The following C2CD3 variants were observed in gnomAD, a reference collection of about 807,000 sequenced individuals.
C2CD3 encodes C2 domain containing 3 centriole elongation regulator.
C2CD3 carries 148 observed loss-of-function variants against 234.0 expected under a neutral mutation model. That is an observed-to-expected ratio of 0.63 (90% CI 0.55 to 0.72). C2CD3 has a LOEUF of 0.72. C2CD3 is among the 30% of genes least tolerant of loss of function. C2CD3 has a pLI of 0.00. For missense variants in C2CD3, 2,577 were observed against 2,811.5 expected (o/e 0.92, Z 1.89); for synonymous variants, 1,000 against 1,035.4 (o/e 0.97, Z 0.66).
At chr11:74,031,452 T>A (rs1405125986) in intron 31 of C2CD3, among the ~76,000 whole-genome samples, 1 of 152,182 alleles carries the variant, frequency 6.6e-6, no homozygotes, top group Non-Finnish European at 1.5e-5. Flanking sequence ...CTTTTCCTTG[T>A]CTCTATTGCA....
chr11:74,048,247 G>T lies in C2CD3; in HGVS notation c.5453C>A (p.Ala1818Asp). ...HMARQTLDQL[A>D]HASSKELDFS... ...ATCAAGCTCCTTTGAGGAGGCATGA[G>T]CAAGTTGGTCTAGGGTCTGCCTTGC... Residue 1818 changes from alanine to aspartate, a missense_variant, in exon 28 of 33, where the codon GCT becomes GAT. By Grantham distance (126) the Ala-to-Asp change is moderately radical (BLOSUM62 -2). Transcript: ENST00000334126. 1 of 1,613,726 alleles carries T rather than the reference G, an allele frequency of 6.2e-7. No homozygotes were observed. The highest frequency in any genetic ancestry group is 8.5e-7 in the Non-Finnish European group (1 of 1,179,814).
At chr11:74,115,882 C>T (rs888537794) in intron 9 of C2CD3, among the ~76,000 whole-genome samples, 8 of 152,110 alleles carry the variant, frequency 5.3e-5, no homozygotes, top group African/African-American at 1.2e-4. Flanking sequence ...TGAAAGGACA[C>T]CCTATTCAAC....
Position 74,130,226 on chromosome 11 carries a change from CT to C in C2CD3, c.1217+2617del, listed in dbSNP as rs752226149. Among the ~76,000 whole-genome samples, 797 of 128,902 alleles carry C rather than the reference CT, an allele frequency of 6.2e-3. 2 individuals carry two copies. Among genetic ancestry groups the C allele is most frequent in the Non-Finnish European group, 6.7e-3 (399 of 59,644 alleles). 84.6% of individuals were successfully genotyped at this position (128,902 alleles called of 152,430 possible). A position where few individuals can be genotyped will look rare whatever the true frequency, so the allele number is the denominator to read the frequency against. ...TACATGGTGTGAGATAAGGGTCCAA[CT>C]TTTTTTTTTTTTTTTTAGAAACAGG... On this transcript the variant is annotated intron_variant, in intron 7 of 32. Transcript: ENST00000334126.
At chr11:74,134,964 A>G (rs548176091) in intron 5 of C2CD3, among the ~76,000 whole-genome samples, 63 of 152,286 alleles carry the variant, frequency 4.1e-4, no homozygotes, top group Non-Finnish European at 7.5e-4. Context: ...GCCTCAAGCT[A>G]TCTTCCTGCC....
intron 25 of C2CD3, among the ~76,000 whole-genome samples, chr11:74,056,983 C>T (rs1953983383): frequency 6.6e-6 from 1 of 151,306 alleles, no homozygotes; most frequent in Non-Finnish European, 1.5e-5. Context: ...GATGCTCCCA[C>T]CTGGGCTCCA....
chr11:74,118,283 C>T lies in C2CD3; in HGVS notation c.1465G>A (p.Val489Ile). 3 of 1,613,838 alleles carry T rather than the reference C, an allele frequency of 1.9e-6. No homozygotes were observed. The highest frequency in any genetic ancestry group is 2.5e-6 in the Non-Finnish European group (3 of 1,179,810). ...AGCTTATGATCACTTGACTCCAGAA[C>T]CTTAGATGATCTGGCAAGAGCTGTT... ...QSTALARSSK[V>I]LESSDHKLKK... Residue 489 changes from valine to isoleucine, a missense_variant, in exon 9 of 33, where the codon GTT (valine) becomes ATT (isoleucine). Physicochemically the swap from Val to Ile is conservative, Grantham distance 29 (BLOSUM62 3). Coordinates refer to ENST00000334126, the MANE Select transcript of C2CD3 (RefSeq NM_001286577.2).
At chr11:74,054,518 A>T in intron 26 of C2CD3, 89 bp downstream of exon 26, 1 of 653,426 alleles carries the variant, frequency 1.5e-6, no homozygotes. Flanking sequence ...AAAAAAAAAA[A>T]AAAAAAAAAA....
At chr11:74,166,660 T>C (rs1447988076) in intron 2 of C2CD3, among the ~76,000 whole-genome samples, 2 of 152,226 alleles carry the variant, frequency 1.3e-5, no homozygotes, top group African/African-American at 4.8e-5. Context: ...CATTTAATTA[T>C]ATACTGTCTG....
Position 74,100,625 on chromosome 11 carries a change from C to G in C2CD3, c.2632G>C (p.Val878Leu). The G allele has an allele frequency of 6.2e-7, 1 of 1,614,028 alleles. No individual in the cohort carries two copies. Among genetic ancestry groups the G allele is most frequent in the Non-Finnish European group, 8.5e-7 (1 of 1,179,918 alleles). Residue 878 changes from valine to leucine, a missense_variant, in exon 15 of 33, where the codon GTG becomes CTG. Val to Leu is a conservative substitution (Grantham distance 32). Coordinates refer to ENST00000334126, the MANE Select transcript of C2CD3 (RefSeq NM_001286577.2). Reference sequence around the variant, plus strand: ...TTATTCCAAGTTTCAATTACCATCACATTGTTCTTAAGCCTTTCCAGGTAT... The same window carrying G: ...TTATTCCAAGTTTCAATTACCATCAGATTGTTCTTAAGCCTTTCCAGGTAT... Reference protein sequence around the residue: ...SKYLERLKNNVMVIETWNKVR... With the variant: ...SKYLERLKNNLMVIETWNKVR...
At chr11:74,130,445 G>C (rs1957628392) in intron 7 of C2CD3, among the ~76,000 whole-genome samples, 1 of 151,676 alleles carries the variant, frequency 6.6e-6, no homozygotes, top group Non-Finnish European at 1.5e-5. Context: ...TGTAGTCCAG[G>C]CTGGTCTCAA....
At chr11:74,028,431 G>C (rs1371906517) in intron 31 of C2CD3, 33 bp from the exon 32 acceptor site, 2 of 1,390,976 alleles carry the variant, frequency 1.4e-6, no homozygotes, top group East Asian at 2.5e-5. Context: ...AAAATACCTA[G>C]AAGTCCACCC....
chr11:74,130,638 A>G (rs1050914953), intron 7 of C2CD3, among the ~76,000 whole-genome samples: 1 of 152,150 alleles, frequency 6.6e-6, no homozygotes, highest in African/African-American at 2.4e-5. Flanking sequence ...TGTCTAACTC[A>G]TATTAGTTGA....
chr11:74,033,387 G>A lies in C2CD3; in HGVS notation c.6773C>T (p.Thr2258Ile). The stretch of plus-strand genomic sequence containing the variant: ...CTGCTTTGTGGACGTCTCTGATCCA[G>A]TTGTCACCTGCCTCTGCCTGATGTC... ...SSDIRQRQVT[T>I]GSETSTKQSL... Residue 2258 changes from threonine (T) to isoleucine (I), a missense_variant, in exon 31 of 33, where the codon ACT becomes ATT. Coordinates refer to ENST00000334126, the MANE Select transcript of C2CD3 (RefSeq NM_001286577.2). 1 of 1,536,146 alleles carries A rather than the reference G, an allele frequency of 6.5e-7. No individual in the cohort carries two copies. The highest frequency in any genetic ancestry group is 8.7e-7 in the Non-Finnish European group (1 of 1,146,912).
chr11:74,039,929 C>G (rs1952939322), intron 29 of C2CD3, among the ~76,000 whole-genome samples: 1 of 152,168 alleles, frequency 6.6e-6, no homozygotes, highest in South Asian at 2.1e-4. Context: ...CTTAAACAGC[C>G]TACAATCTCT....
chr11:74,146,042 C>T (rs939706355), intron 3 of C2CD3, among the ~76,000 whole-genome samples: 1 of 152,064 alleles, frequency 6.6e-6, no homozygotes, highest in African/African-American at 2.4e-5. Flanking sequence ...AGGAAACAAA[C>T]TCTAGTAAGA....
chr11:74,139,531 A>G, intron 4 of C2CD3, 74 bp downstream of exon 4: 1 of 1,089,638 alleles, frequency 9.2e-7, no homozygotes, highest in Non-Finnish European at 1.4e-6. Context: ...TTACTCAACC[A>G]TAAATGAAAG....
At chr11:74,028,839 C>T (rs1952411372) in intron 31 of C2CD3, among the ~76,000 whole-genome samples, 1 of 152,226 alleles carries the variant, frequency 6.6e-6, no homozygotes, top group Non-Finnish European at 1.5e-5. Flanking sequence ...ATGATTCTTG[C>T]CTAAGGGCCT....
In C2CD3 at chr11:74,085,392, G is replaced by A. The variant is rs140656427; in HGVS notation, c.3910+226C>T. ...TGAACTCCTACACACCCTTCATCTCGATACACCCATTAACACTGACACATT... is the reference window on the plus strand; with the variant it reads ...TGAACTCCTACACACCCTTCATCTCAATACACCCATTAACACTGACACATT... On this transcript the variant is annotated intron_variant, in intron 21 of 32. Transcript: ENST00000334126. 9.8e-4 allele frequency: 515 copies of A among 526,132 alleles called. 1 individual carries two copies. The highest frequency in any genetic ancestry group is 8.8e-3 in the African/African-American group (466 of 53,132). The allele number at this position is 526,132 out of a possible 1,614,324, so 32.6% of individuals were successfully genotyped here.
Position 74,097,354 on chromosome 11 carries a change from A to T in C2CD3, c.2979+655T>A, listed in dbSNP as rs139182724. 2.0e-5 allele frequency among the ~76,000 whole-genome samples: 3 copies of T among 152,338 alleles called. No homozygotes were observed. The East Asian group carries it at 5.8e-4, about 29-fold the overall frequency. The stretch of plus-strand genomic sequence containing the variant: ...ATTTGGCTGTACTAGTAAAGACAAC[A>T]AATAGAAGATACAGTAGTACATGAT... On this transcript the variant is annotated intron_variant, in intron 16 of 32. Coordinates refer to ENST00000334126, the MANE Select transcript of C2CD3 (RefSeq NM_001286577.2).
Sources: allele counts gnomAD v4.1 joint callset (sites outside exome capture counted in the v4.1 genomes callset), GRCh38; gene constraint gnomAD v4.1.1; transcripts MANE v1.5; gene names NCBI Gene and HGNC (gene_info 2026-07-23, HGNC 2026-07-21).